Variants in CATSPERB observed in about 807,000 individuals in gnomAD.
The protein encoded by CATSPERB is catsper channel auxiliary subunit beta, also known as cation channel sperm-associated auxiliary subunit beta.
A neutral mutation model predicts 128.3 loss-of-function variants in CATSPERB; 93 were observed. The observed-to-expected ratio is 0.72, with a 90% CI of 0.61 to 0.86. CATSPERB has a LOEUF of 0.86. Among genes scored for constraint, CATSPERB ranks in the 40% least tolerant of loss-of-function variants. The pLI is 0.00. For synonymous variants in CATSPERB, 381 were observed against 448.8 expected (o/e 0.85, Z 1.91); for missense variants, 1,153 against 1,329.5 (o/e 0.87, Z 2.06).
intron 17 of CATSPERB, among the ~76,000 whole-genome samples, chr14:91,629,494 A>G (rs546760898): frequency 1.1e-4 from 17 of 152,290 alleles, no homozygotes; most frequent in African/African-American, 3.9e-4. Context: ...CAACACTAAG[A>G]GTAAGTCCTA....
chr14:91,690,308 T>C (rs1895444837), intron 10 of CATSPERB, among the ~76,000 whole-genome samples: 2 of 152,128 alleles, frequency 1.3e-5, no homozygotes, highest in South Asian at 4.1e-4. Context: ...TTATTTTTTA[T>C]ACCAATTCCA....
intron 22 of CATSPERB, chr14:91,604,320 C>T: frequency 2.7e-6 from 2 of 747,506 alleles, no homozygotes; most frequent in Non-Finnish European, 4.8e-6. Context: ...CAAGAAAAAT[C>T]CTATGAGGGA....
At chr14:91,637,071 G>A (rs1281358168) in intron 16 of CATSPERB, among the ~76,000 whole-genome samples, 1 of 152,200 alleles carries the variant, frequency 6.6e-6, no homozygotes, top group Non-Finnish European at 1.5e-5. Context: ...TCCCCTTGCA[G>A]TCTACCCAGG....
chr14:91,719,689 T>C (rs1214051375), intron 4 of CATSPERB, among the ~76,000 whole-genome samples: 1 of 152,190 alleles, frequency 6.6e-6, no homozygotes, highest in Non-Finnish European at 1.5e-5. Context: ...ATCACTGTAA[T>C]GGCTGAACAT....
Position 91,636,546 on chromosome 14 carries a change from G to T in CATSPERB, c.1621C>A (p.Pro541Thr). 1 of 1,613,920 alleles carries T rather than the reference G, an allele frequency of 6.2e-7. No homozygotes were observed. Among genetic ancestry groups the T allele is most frequent in the Non-Finnish European group, 8.5e-7 (1 of 1,179,968 alleles). The change falls in exon 17 of 27, where the codon CCA becomes ACA. Residue 541 changes from proline (P) to threonine (T), a missense_variant. Transcript: ENST00000256343. Reference protein sequence around the residue: ...PDMGFETALAPQHTSLDEIIF... With the variant: ...PDMGFETALATQHTSLDEIIF... ...ATTTCATCTAAGGAGGTGTGCTGTG[G>T]GGCAAGCGCAGTCTCAAAGCCCATA...
At chr14:91,711,147 CT>C (rs2139769905) in intron 5 of CATSPERB, among the ~76,000 whole-genome samples, 1 of 152,300 alleles carries the variant, frequency 6.6e-6, no homozygotes, top group South Asian at 2.1e-4. Flanking sequence ...CTGTCTTAGA[CT>C]TTTGTCTTCC....
chr14:91,695,868 G>C (rs1049986263), intron 7 of CATSPERB, among the ~76,000 whole-genome samples: 5 of 152,180 alleles, frequency 3.3e-5, no homozygotes, highest in African/African-American at 1.2e-4. Context: ...TCACATTGGC[G>C]ATGGACCCTG....
chr14:91,721,666 G>A (rs953419666), intron 4 of CATSPERB, among the ~76,000 whole-genome samples: 10 of 151,982 alleles, frequency 6.6e-5, no homozygotes, highest in East Asian at 1.9e-4. Flanking sequence ...TGGCTAACAA[G>A]GTGAAACCCT....
chr14:91,595,393 T>G (rs1210514319), intron 22 of CATSPERB, among the ~76,000 whole-genome samples: 1 of 152,122 alleles, frequency 6.6e-6, no homozygotes, highest in African/African-American at 2.4e-5. Flanking sequence ...GGTCTCAATC[T>G]CCTGACCTCG....
intron 18 of CATSPERB, among the ~76,000 whole-genome samples, chr14:91,622,636 C>A (rs1347285768): frequency 6.6e-6 from 1 of 152,124 alleles, no homozygotes; most frequent in East Asian, 1.9e-4. Flanking sequence ...TAGAAACAGT[C>A]AGAAGAGGGC....
intron 19 of CATSPERB, among the ~76,000 whole-genome samples, chr14:91,619,018 T>C (rs573651460): frequency 1.3e-5 from 2 of 152,346 alleles, no homozygotes; most frequent in South Asian, 2.1e-4. Context: ...TTGTTGATTA[T>C]TATTTACTTC....
In CATSPERB at chr14:91,587,167, C is replaced by T. The variant is rs779823433; in HGVS notation, c.3132+35G>A. On this transcript the variant is annotated intron_variant, in intron 26 of 26. Transcript: ENST00000256343. Reference sequence around the variant, plus strand: ...GGTTTTGTCATGTTTTTTCCCCAGCCATCACCCCTCTGATGCCAAGTGCAT... The same window carrying T: ...GGTTTTGTCATGTTTTTTCCCCAGCTATCACCCCTCTGATGCCAAGTGCAT... The T allele has an allele frequency of 1.1e-5, 16 of 1,507,344 alleles. No homozygotes were observed. In the East Asian group the frequency reaches 3.6e-4, roughly 33 times the overall value. 93.4% of individuals were successfully genotyped at this position (1,507,344 alleles called of 1,614,324 possible). A position where few individuals can be genotyped will look rare whatever the true frequency, so the allele number is the denominator to read the frequency against.
intron 26 of CATSPERB, among the ~76,000 whole-genome samples, chr14:91,581,523 A>G (rs1397087636): frequency 6.6e-6 from 1 of 152,218 alleles, no homozygotes; most frequent in African/African-American, 2.4e-5. Context: ...AGAGAAGGAG[A>G]TAAAGGAACA....
At chr14:91,638,445 G>A (rs553617003) in intron 16 of CATSPERB, among the ~76,000 whole-genome samples, 9 of 150,156 alleles carry the variant, frequency 6.0e-5, no homozygotes, top group Admixed American at 1.3e-4. Context: ...TGCCCAAACT[G>A]GAGTTCAGTG....
intron 19 of CATSPERB, among the ~76,000 whole-genome samples, chr14:91,618,192 G>A (rs190498381): frequency 3.7e-3 from 561 of 152,276 alleles, no homozygotes; most frequent in Non-Finnish European, 6.0e-3. Context: ...GCTGGTGGGA[G>A]TGTAGCACTG....
chr14:91,634,210 T>C (rs1179579872), intron 17 of CATSPERB, among the ~76,000 whole-genome samples: 1 of 152,186 alleles, frequency 6.6e-6, no homozygotes, highest in Non-Finnish European at 1.5e-5. Flanking sequence ...AAAAATGTTA[T>C]TAAGAAAATC....
chr14:91,728,564 G>A (rs924943643), intron 2 of CATSPERB, among the ~76,000 whole-genome samples: 1 of 152,136 alleles, frequency 6.6e-6, no homozygotes, highest in African/African-American at 2.4e-5. Flanking sequence ...AGGAGAGACA[G>A]AGAAACAATT....
intron 22 of CATSPERB, among the ~76,000 whole-genome samples, chr14:91,594,330 G>A (rs1002789759): frequency 6.6e-6 from 1 of 152,058 alleles, no homozygotes; most frequent in Non-Finnish European, 1.5e-5. Context: ...ACTGTTGTGG[G>A]GTGGGGGGAT....
intron 9 of CATSPERB, among the ~76,000 whole-genome samples, chr14:91,692,653 T>C (rs1247490912): frequency 6.6e-6 from 1 of 152,224 alleles, no homozygotes; most frequent in Non-Finnish European, 1.5e-5. Context: ...ATCTCTGTTG[T>C]GGTAATTTTT....
Sources: gnomAD v4.1 joint callset for allele counts (sites outside exome capture counted in the v4.1 genomes callset) on GRCh38, gnomAD v4.1.1 for gene constraint, MANE v1.5 for transcripts, NCBI Gene and HGNC (gene_info 2026-07-23, HGNC 2026-07-21) for gene names.